Variants in TTC1 observed in about 807,000 individuals in gnomAD.
TTC1 encodes tetratricopeptide repeat protein 1.
Under a neutral mutation model 37.6 loss-of-function variants are expected in TTC1, and 31 were observed. The observed-to-expected ratio is 0.82, with a 90% CI of 0.62 to 1.11. The LOEUF is 1.11. Among genes scored for constraint, TTC1 ranks in the 50% most tolerant of loss-of-function variants. TTC1 has a pLI of 0.00. For missense variants in TTC1, 351 were observed against 339.0 expected, an observed-to-expected ratio of 1.04 and a Z score of -0.28; for synonymous variants, 127 against 122.4, an observed-to-expected ratio of 1.04 and a Z score of -0.25.
chr5:160,038,837 A>G (rs1757040820), intron 4 of TTC1: 2 of 151,730 alleles, frequency 1.3e-5, no homozygotes, highest in African/African-American at 4.8e-5. Flanking sequence ...TAATTTTTGT[A>G]TTTTTAGTAG....
chr5:160,027,445 A>G lies in TTC1; in HGVS notation c.331-7695A>G, dbSNP rs990072481. 3.9e-5 allele frequency among the ~76,000 whole-genome samples: 6 copies of G among 152,212 alleles called. No individual in the cohort carries two copies. In the South Asian group the frequency reaches 8.3e-4, roughly 21 times the overall value. On this transcript the variant is annotated intron_variant, in intron 2 of 7. Coordinates refer to ENST00000231238, the MANE Select transcript of TTC1 (RefSeq NM_003314.3). Reference sequence around the variant, plus strand: ...CTATCGTTGTCATGTACATTTTATCAATATATGTTGTAAACCTAACCACTG... The same window carrying G: ...CTATCGTTGTCATGTACATTTTATCGATATATGTTGTAAACCTAACCACTG...
chr5:160,022,419 G>C (rs914041989), intron 2 of TTC1, among the ~76,000 whole-genome samples: 3 of 152,018 alleles, frequency 2.0e-5, no homozygotes, highest in Non-Finnish European at 4.4e-5. Context: ...TTTGGAGGGT[G>C]GTTTTTTTGT....
At chr5:160,045,077 G>T (rs1449834458) in intron 5 of TTC1, among the ~76,000 whole-genome samples, 1 of 152,152 alleles carries the variant, frequency 6.6e-6, no homozygotes, top group African/African-American at 2.4e-5. Context: ...TTTATGTGAG[G>T]ATGTGTGGGT....
chr5:160,051,359 C>G (rs1354540818), intron 7 of TTC1, among the ~76,000 whole-genome samples, 176 bp downstream of exon 7: 1 of 151,964 alleles, frequency 6.6e-6, no homozygotes, highest in Non-Finnish European at 1.5e-5. Flanking sequence ...AGGGTATTGG[C>G]TTTTTTTGGA....
At chr5:160,019,673 C>T (rs1269099363) in intron 2 of TTC1, among the ~76,000 whole-genome samples, 3 of 150,750 alleles carry the variant, frequency 2.0e-5, no homozygotes, top group Admixed American at 1.3e-4. Flanking sequence ...CTGCAACCTC[C>T]GCCTCCCGGA....
intron 5 of TTC1, among the ~76,000 whole-genome samples, chr5:160,048,983 C>T (rs760079144): frequency 7.9e-5 from 12 of 152,028 alleles, no homozygotes; most frequent in Non-Finnish European, 1.3e-4. Flanking sequence ...TCTTTCACTG[C>T]GCACTTGAAC....
intron 4 of TTC1, among the ~76,000 whole-genome samples, chr5:160,037,037 T>C (rs778035005): frequency 2.0e-5 from 3 of 152,214 alleles, no homozygotes; most frequent in Admixed American, 6.5e-5. Context: ...GAAGGAGGGC[T>C]GGCAAATTTT....
At chr5:160,059,940 TA>T (rs1477762025) in intron 7 of TTC1, among the ~76,000 whole-genome samples, 4 of 152,182 alleles carry the variant, frequency 2.6e-5, no homozygotes, top group Non-Finnish European at 5.9e-5. Context: ...CTTCAATTTG[TA>T]AAAAACACAA....
At chr5:160,029,458 A>G (rs1165703106) in intron 2 of TTC1, among the ~76,000 whole-genome samples, 1 of 143,818 alleles carries the variant, frequency 7.0e-6, no homozygotes, top group Admixed American at 7.4e-5. Flanking sequence ...CCTAGGCAAC[A>G]TAGTGAGACC....
intron 7 of TTC1, among the ~76,000 whole-genome samples, chr5:160,064,249 G>A (rs1017561571): frequency 1.3e-5 from 2 of 152,148 alleles, no homozygotes; most frequent in East Asian, 1.9e-4. Context: ...GATTACAGGC[G>A]TGAGCCACCA....
intron 2 of TTC1, chr5:160,023,641 T>G (rs1756751870): frequency 1.0e-6 from 1 of 997,404 alleles, no homozygotes; most frequent in African/African-American, 1.6e-5. Context: ...TGGACACAGG[T>G]GACTAAGCTT....
At chr5:160,015,275 C>G (rs1756580217) in intron 2 of TTC1, among the ~76,000 whole-genome samples, 1 of 152,046 alleles carries the variant, frequency 6.6e-6, no homozygotes. Flanking sequence ...GAGGTGCGAT[C>G]ATAGTTCACT....
intron 1 of TTC1, 85 bp from the exon 2 acceptor site, chr5:160,010,415 A>T: frequency 1.3e-6 from 1 of 787,224 alleles, no homozygotes; most frequent in Non-Finnish European, 2.0e-6. Context: ...TTTTGGCTGT[A>T]ATGCAGAGGT....
At chr5:160,032,081 G>A (rs1463990231) in intron 2 of TTC1, among the ~76,000 whole-genome samples, 2 of 152,190 alleles carry the variant, frequency 1.3e-5, no homozygotes, top group East Asian at 3.8e-4. Context: ...TACTTGAGAC[G>A]TGGTTTTGCC....
chr5:160,048,126 CT>C (rs56201199), intron 5 of TTC1, among the ~76,000 whole-genome samples: 5 of 35,570 alleles, frequency 1.4e-4, no homozygotes, highest in Non-Finnish European at 1.9e-4. Flanking sequence ...CAAGACATTG[CT>C]TTTTTTTTTT....
chr5:160,042,877 G>T (rs1459074814), intron 4 of TTC1, among the ~76,000 whole-genome samples: 1 of 151,958 alleles, frequency 6.6e-6, no homozygotes, highest in Non-Finnish European at 1.5e-5. Context: ...TAATAGGTCA[G>T]TTAGAACAAA....
intron 2 of TTC1, chr5:160,024,144 C>T (rs1756761508): frequency 1.7e-6 from 1 of 599,924 alleles, no homozygotes; most frequent in Admixed American, 3.0e-5. Context: ...CATTCTGTGC[C>T]ATAAGTATGT....
chr5:160,034,993 C>T (rs535061021), intron 2 of TTC1, 147 bp from the exon 3 acceptor site: 15 of 523,366 alleles, frequency 2.9e-5, no homozygotes, highest in Admixed American at 4.4e-5. Flanking sequence ...TTTCCTCTAT[C>T]ACTGTACAAG....
At chr5:160,016,650 A>C (rs1269019225) in intron 2 of TTC1, among the ~76,000 whole-genome samples, 2 of 152,054 alleles carry the variant, frequency 1.3e-5, no homozygotes, top group Non-Finnish European at 2.9e-5. Context: ...TTTTTTCAGT[A>C]AGCCTGTATT....
Sources: gnomAD v4.1 joint callset for allele counts (sites outside exome capture counted in the v4.1 genomes callset) on GRCh38, gnomAD v4.1.1 for gene constraint, MANE v1.5 for transcripts, NCBI Gene and HGNC (gene_info 2026-07-23, HGNC 2026-07-21) for gene names.